Variants in RETREG1 observed in about 807,000 individuals in gnomAD.
RETREG1 encodes family with sequence similarity 134 member B.
RETREG1 carries 44 observed loss-of-function variants against 54.8 expected under a neutral mutation model. The observed-to-expected ratio is 0.80, with a 90% CI of 0.63 to 1.03. The LOEUF (loss-of-function observed/expected upper bound fraction) is 1.03. Ranked by LOEUF, RETREG1 falls within the 50% of genes least tolerant of loss-of-function variation. The pLI is 0.00. For missense variants in RETREG1, 554 were observed against 605.1 expected (o/e 0.92, Z 0.89); for synonymous variants, 217 against 238.5 (o/e 0.91, Z 0.83).
Position 16,599,632 on chromosome 5 carries a change from G to A in RETREG1, c.320+17020C>T, listed in dbSNP as rs568736985. On this transcript the variant is annotated intron_variant, in intron 1 of 8. Transcript: ENST00000306320. ...GCACCTACCATATACCACGGTGCTG[G>A]GATACATGCCTGAAGCAACAGACTG... Among the ~76,000 whole-genome samples the A allele has an allele frequency of 3.3e-5, 5 of 152,234 alleles. 1 individual carries two copies. In the South Asian group the frequency reaches 1.0e-3, roughly 32 times the overall value.
At chr5:16,528,841 C>G (rs1740821118) in intron 3 of RETREG1, among the ~76,000 whole-genome samples, 1 of 152,142 alleles carries the variant, frequency 6.6e-6, no homozygotes, top group African/African-American at 2.4e-5. Flanking sequence ...TGCCACAATA[C>G]TCAATCCTAC....
intron 3 of RETREG1, among the ~76,000 whole-genome samples, chr5:16,487,521 C>A (rs1739064599): frequency 6.6e-6 from 1 of 152,210 alleles, no homozygotes; most frequent in South Asian, 2.1e-4. Flanking sequence ...CACTACAAGC[C>A]CCAGCCTCTA....
intron 3 of RETREG1, among the ~76,000 whole-genome samples, chr5:16,547,230 A>G (rs1487175478): frequency 1.3e-5 from 2 of 152,188 alleles, no homozygotes; most frequent in Non-Finnish European, 2.9e-5. Context: ...TGACTGTGGA[A>G]AGTGTCACCT....
chr5:16,504,432 T>C (rs1262140277), intron 3 of RETREG1, among the ~76,000 whole-genome samples: 3 of 152,112 alleles, frequency 2.0e-5, no homozygotes, highest in African/African-American at 7.2e-5. Flanking sequence ...AATCAGCAAA[T>C]GCTAAAGATC....
intron 1 of RETREG1, among the ~76,000 whole-genome samples, chr5:16,591,522 A>T (rs1384257671): frequency 6.6e-6 from 1 of 152,194 alleles, no homozygotes; most frequent in East Asian, 1.9e-4. Context: ...GAGGAACAAA[A>T]GAAAAGGTGA....
intron 1 of RETREG1, among the ~76,000 whole-genome samples, chr5:16,583,048 A>C (rs1382216197): frequency 3.3e-5 from 5 of 152,200 alleles, no homozygotes; most frequent in Admixed American, 2.0e-4. Flanking sequence ...TCAGCAATGC[A>C]GGAGGTCACA....
At chr5:16,601,965 C>A (rs187930750) in intron 1 of RETREG1, among the ~76,000 whole-genome samples, 1 of 152,162 alleles carries the variant, frequency 6.6e-6, no homozygotes, top group African/African-American at 2.4e-5. Context: ...GCGATGCTTC[C>A]AATTTCTAAG....
chr5:16,495,129 C>T (rs1579604591), intron 3 of RETREG1, among the ~76,000 whole-genome samples: 1 of 152,154 alleles, frequency 6.6e-6, no homozygotes, highest in African/African-American at 2.4e-5. Context: ...AATTTCTAAG[C>T]AGCAAGGTGT....
At chr5:16,486,201 A>G (rs945450080) in intron 3 of RETREG1, among the ~76,000 whole-genome samples, 2 of 152,230 alleles carry the variant, frequency 1.3e-5, no homozygotes, top group Non-Finnish European at 2.9e-5. Flanking sequence ...GTAAAGAGTA[A>G]TAAGTGTTTG....
intron 1 of RETREG1, among the ~76,000 whole-genome samples, chr5:16,591,870 G>A (rs752623589): frequency 2.0e-5 from 3 of 152,158 alleles, no homozygotes; most frequent in Non-Finnish European, 4.4e-5. Flanking sequence ...AGATAATAAG[G>A]GAAGGTGGCA....
At chr5:16,571,906 G>T in intron 2 of RETREG1, 90 bp downstream of exon 2, 1 of 910,782 alleles carries the variant, frequency 1.1e-6, no homozygotes, top group Non-Finnish European at 1.8e-6. Context: ...TCTGTTCAAA[G>T]GACTAATTGG....
chr5:16,585,585 A>G lies in RETREG1; in HGVS notation c.321-13483T>C, dbSNP rs1742607445. On this transcript the variant is annotated intron_variant, in intron 1 of 8. Coordinates refer to ENST00000306320, the MANE Select transcript of RETREG1 (RefSeq NM_001034850.3). This position sits in a 1 kb window ranked among gnomAD's most constrained non-coding sequence, Gnocchi z 4.5. Reference sequence around the variant, plus strand: ...ACTTCGAGGCAGGGCGGGTGAGTCAAGTTCTGCAGCCCACTCCAGCTGAGC... The same window carrying G: ...ACTTCGAGGCAGGGCGGGTGAGTCAGGTTCTGCAGCCCACTCCAGCTGAGC... 6.6e-6 allele frequency among the ~76,000 whole-genome samples: 1 copy of G among 152,180 alleles called. No individual in the cohort carries two copies. The highest frequency in any genetic ancestry group is 2.1e-4 in the South Asian group (1 of 4,830).
intron 3 of RETREG1, among the ~76,000 whole-genome samples, chr5:16,489,384 G>A (rs1234105048): frequency 6.6e-6 from 1 of 152,150 alleles, no homozygotes; most frequent in Non-Finnish European, 1.5e-5. Context: ...CACTTGGCTG[G>A]CAGTTTCAGA....
At chr5:16,528,089 G>A (rs1214705789) in intron 3 of RETREG1, among the ~76,000 whole-genome samples, 1 of 151,980 alleles carries the variant, frequency 6.6e-6, no homozygotes, top group African/African-American at 2.4e-5. Context: ...GATTACAGGC[G>A]TGAGCCACCG....
chr5:16,512,546 G>A (rs1360141779), intron 3 of RETREG1, among the ~76,000 whole-genome samples: 2 of 150,906 alleles, frequency 1.3e-5, no homozygotes, highest in African/African-American at 2.4e-5. Context: ...CACCTTTCTT[G>A]ACACCTTTTT....
At chr5:16,503,152 A>G (rs35431678) in intron 3 of RETREG1, among the ~76,000 whole-genome samples, 38,815 of 152,148 alleles carry the variant, frequency 0.26, 5,162 homozygotes, top group Middle Eastern at 0.31. Context: ...GGCACTGAAA[A>G]GGTTTAGGAA....
intron 1 of RETREG1, among the ~76,000 whole-genome samples, chr5:16,611,148 C>T (rs1295449394): frequency 6.6e-6 from 1 of 152,066 alleles, no homozygotes; most frequent in Non-Finnish European, 1.5e-5. Flanking sequence ...GAAACTATCA[C>T]AAGGACAAAA....
chr5:16,520,225 G>A (rs1039523658), intron 3 of RETREG1, among the ~76,000 whole-genome samples: 1 of 152,162 alleles, frequency 6.6e-6, no homozygotes, highest in Non-Finnish European at 1.5e-5. Context: ...CTGCAAGGGT[G>A]GTGTCCTGCC....
At chr5:16,506,017 G>T (rs1047046295) in intron 3 of RETREG1, among the ~76,000 whole-genome samples, 2 of 152,202 alleles carry the variant, frequency 1.3e-5, no homozygotes, top group African/African-American at 4.8e-5. Flanking sequence ...CCACAAGGAG[G>T]GGGGTCTCTC....
Sources: allele counts gnomAD v4.1 joint callset (sites outside exome capture counted in the v4.1 genomes callset), GRCh38; gene constraint gnomAD v4.1.1; non-coding constraint Gnocchi (gnomAD v3.1); transcripts MANE v1.5; gene names NCBI Gene and HGNC (gene_info 2026-07-23, HGNC 2026-07-21).